The following DMXL1 variants were observed in gnomAD, a reference collection of about 807,000 sequenced individuals.
The protein encoded by DMXL1 is dmX-like protein 1.
Under a neutral mutation model 319.2 loss-of-function variants are expected in DMXL1, and 99 were observed. That is an observed-to-expected ratio of 0.31 (90% CI 0.26 to 0.37). The LOEUF (loss-of-function observed/expected upper bound fraction) is 0.37. Ranked by LOEUF, DMXL1 falls within the 10% of genes least tolerant of loss-of-function variation. The pLI, the probability that DMXL1 is intolerant of heterozygous loss-of-function variation, is 1.00. For synonymous variants in DMXL1, 1,385 were observed against 1,235.2 expected, an observed-to-expected ratio of 1.12 and a Z score of -2.54; for missense variants, 3,745 against 3,595.6, an observed-to-expected ratio of 1.04 and a Z score of -1.06.
chr5:119,232,526 A>G (rs1786955335), intron 38 of DMXL1, among the ~76,000 whole-genome samples: 1 of 152,108 alleles, frequency 6.6e-6, no homozygotes, highest in South Asian at 2.1e-4. Flanking sequence ...ATGTGATCTC[A>G]TTTTCTACTC....
chr5:119,091,154 G>GTC (rs1328435120), intron 1 of DMXL1, among the ~76,000 whole-genome samples: 2 of 152,010 alleles, frequency 1.3e-5, no homozygotes, highest in African/African-American at 2.4e-5. Context: ...ACTGGTTGGG[G>GTC]TCAGGTTCCT....
At chr5:119,167,569 C>A in intron 22 of DMXL1, 34 bp from the exon 23 acceptor site, 1 of 1,513,710 alleles carries the variant, frequency 6.6e-7, no homozygotes, top group South Asian at 1.3e-5. Flanking sequence ...GAAACCTGCT[C>A]CTGCTTATTT....
chr5:119,193,598 G>T (rs928157533), intron 29 of DMXL1, among the ~76,000 whole-genome samples: 1 of 152,016 alleles, frequency 6.6e-6, no homozygotes, highest in Non-Finnish European at 1.5e-5. Flanking sequence ...CTTAAATCCG[G>T]TAGAATTCTT....
intron 32 of DMXL1, among the ~76,000 whole-genome samples, chr5:119,202,894 T>C (rs1395819790): frequency 6.9e-6 from 1 of 144,750 alleles, no homozygotes; most frequent in Admixed American, 7.0e-5. Flanking sequence ...TTTATATATA[T>C]ATATATATAT....
At chr5:119,231,519 A>G (rs1415709526) in intron 38 of DMXL1, among the ~76,000 whole-genome samples, 1 of 152,230 alleles carries the variant, frequency 6.6e-6, no homozygotes, top group Non-Finnish European at 1.5e-5. Context: ...GGGGCCTACC[A>G]GGAGGTAACT....
chr5:119,116,530 G>A (rs554262402), intron 7 of DMXL1, among the ~76,000 whole-genome samples, 194 bp downstream of exon 7: 5 of 152,152 alleles, frequency 3.3e-5, no homozygotes, highest in Non-Finnish European at 4.4e-5. Flanking sequence ...GATAAGAGCC[G>A]TATTAAAGGA....
chr5:119,238,778 C>T (rs1296144823), intron 40 of DMXL1: 1 of 549,188 alleles, frequency 1.8e-6, no homozygotes, highest in Non-Finnish European at 2.3e-6. Context: ...AACAAATGTG[C>T]CAAAATGTTA....
chr5:119,112,374 T>G (rs1435631204), intron 5 of DMXL1, among the ~76,000 whole-genome samples: 5 of 152,222 alleles, frequency 3.3e-5, no homozygotes, highest in Non-Finnish European at 7.3e-5. Context: ...AAATATTTGT[T>G]GAATGGTTCC....
intron 10 of DMXL1, among the ~76,000 whole-genome samples, chr5:119,132,392 A>G (rs1425994891): frequency 6.6e-6 from 1 of 152,196 alleles, no homozygotes; most frequent in African/African-American, 2.4e-5. Flanking sequence ...AGAAAGTTAC[A>G]TAACTTGGCC....
At chr5:119,201,801 G>T (rs998806192) in intron 32 of DMXL1, among the ~76,000 whole-genome samples, 1 of 152,088 alleles carries the variant, frequency 6.6e-6, no homozygotes, top group African/African-American at 2.4e-5. Flanking sequence ...TCTTGGGAGG[G>T]TGTATGTGTC....
At chr5:119,186,007 A>G (rs1777644774) in intron 28 of DMXL1, among the ~76,000 whole-genome samples, 1 of 152,218 alleles carries the variant, frequency 6.6e-6, no homozygotes, top group East Asian at 1.9e-4. Context: ...GATAAAGGTT[A>G]ACATATACCT....
chr5:119,208,339 G>A (rs781711523), intron 34 of DMXL1, among the ~76,000 whole-genome samples: 44 of 151,274 alleles, frequency 2.9e-4, no homozygotes, highest in African/African-American at 9.7e-4. Context: ...TCAGCCTCCC[G>A]AGTAGCTGGG....
chr5:119,127,502 A>AT (rs1763865412), intron 9 of DMXL1, among the ~76,000 whole-genome samples: 6 of 152,126 alleles, frequency 3.9e-5, no homozygotes, highest in Non-Finnish European at 7.4e-5. Flanking sequence ...GAGTGCAGTG[A>AT]CCGATAGCTC....
chr5:119,134,477 C>T, intron 13 of DMXL1, 88 bp downstream of exon 13: 1 of 1,143,078 alleles, frequency 8.7e-7, no homozygotes, highest in Non-Finnish European at 1.2e-6. Context: ...ACAATTGTGA[C>T]CTATAATTTG....
chr5:119,079,772 G>T (rs1445697955), intron 1 of DMXL1, among the ~76,000 whole-genome samples: 2 of 151,792 alleles, frequency 1.3e-5, no homozygotes, highest in Non-Finnish European at 2.9e-5. Flanking sequence ...TTTCTCTTTG[G>T]CATTTGTCAT....
chr5:119,203,292 C>T, intron 32 of DMXL1, 27 bp from the exon 33 acceptor site: 1 of 1,413,566 alleles, frequency 7.1e-7, no homozygotes, highest in Non-Finnish European at 9.5e-7. Flanking sequence ...TGAAGTTTAT[C>T]ATTAAATTTG....
intron 33 of DMXL1, among the ~76,000 whole-genome samples, chr5:119,205,058 G>A (rs921037475): frequency 6.6e-6 from 1 of 152,218 alleles, no homozygotes; most frequent in South Asian, 2.1e-4. Flanking sequence ...AGTATGTAGT[G>A]TTCTTGCTGA....
At chr5:119,208,660 C>T (rs972991988) in intron 34 of DMXL1, among the ~76,000 whole-genome samples, 4 of 152,006 alleles carry the variant, frequency 2.6e-5, no homozygotes, top group African/African-American at 9.7e-5. Flanking sequence ...TTTTGGCCAG[C>T]ATTTTTCCAA....
rs752744939 is a variant in DMXL1, at chr5:119,216,885, G to A, written c.7927-16G>A. The stretch of plus-strand genomic sequence containing the variant: ...TAAAATCAGTGCATTTTTGTGTTTT[G>A]TTTCCTTTTATTTAGATAGAAGCAG... On this transcript the variant is annotated splice_polypyrimidine_tract_variant and intron_variant, in intron 34 of 43. Coordinates refer to ENST00000539542, the MANE Select transcript of DMXL1 (RefSeq NM_001290321.3). The A allele has an allele frequency of 1.3e-6, 2 of 1,490,354 alleles. No individual in the cohort carries two copies. Among genetic ancestry groups the A allele is most frequent in the African/African-American group, 1.4e-5 (1 of 72,108 alleles). 92.3% of individuals were successfully genotyped at this position (1,490,354 alleles called of 1,614,324 possible). A position where few individuals can be genotyped will look rare whatever the true frequency, so the allele number is the denominator to read the frequency against.
Sources: allele counts gnomAD v4.1 joint callset (sites outside exome capture counted in the v4.1 genomes callset), GRCh38; gene constraint gnomAD v4.1.1; transcripts MANE v1.5; gene names NCBI Gene and HGNC (gene_info 2026-07-23, HGNC 2026-07-21).